Variants in AEN observed in about 807,000 individuals in gnomAD.
AEN encodes apoptosis-enhancing nuclease.
Under a neutral mutation model 17.7 loss-of-function variants are expected in AEN, and 21 were observed. That is an observed-to-expected ratio of 1.19 (90% CI 0.84 to 1.71). AEN has a LOEUF of 1.71. Ranked by LOEUF, AEN falls within the 40% of genes most tolerant of loss-of-function variation. AEN has a pLI of 0.00. For missense variants in AEN, 462 were observed against 435.9 expected, an observed-to-expected ratio of 1.06 and a Z score of -0.53; for synonymous variants, 190 against 173.0, an observed-to-expected ratio of 1.10 and a Z score of -0.77.
chr15:88,609,687 G>A, the AEN span, among the ~76,000 whole-genome samples: 1 of 152,224 alleles, frequency 6.6e-6, no homozygotes, highest in African/African-American at 2.4e-5. Flanking sequence ...TGAGACTACA[G>A]CAGCCTCTTT....
At chr15:88,612,570 C>CA in the AEN span, among the ~76,000 whole-genome samples, 1,007 of 129,778 alleles carry the variant, frequency 7.8e-3, 11 homozygotes, top group African/African-American at 0.027. Context: ...ATTTCCCAGC[C>CA]TTTTATTTAT....
chr15:88,626,451 A>G lies in AEN; in HGVS notation c.242A>G (p.Lys81Arg). The G allele has an allele frequency of 6.2e-7, 1 of 1,613,888 alleles. No individual in the cohort carries two copies. Among genetic ancestry groups the G allele is most frequent in the Non-Finnish European group, 8.5e-7 (1 of 1,179,970 alleles). ...GCAACTGAAGCTGCCAGCAGTGGGA[A>G]GCAGTGTCTGAGGGCTGGATCTGGC... ...ATATEAASSGKQCLRAGSGSA... is the reference protein window; with the variant it reads ...ATATEAASSGRQCLRAGSGSA... Residue 81 changes from lysine (K) to arginine (R), a missense_variant, in exon 2 of 4, where the codon AAG (lysine) becomes AGG (arginine). By Grantham distance (26) the Lys-to-Arg change is conservative. Transcript: ENST00000332810.
rs78738009 is a variant in AEN at position 88,624,186 on chromosome 15, G to A, written c.-64-1960G>A. On this transcript the variant is annotated intron_variant, in intron 1 of 3. Coordinates refer to ENST00000332810, the MANE Select transcript of AEN (RefSeq NM_022767.4). Reference sequence around the variant, plus strand: ...GAGTCCAGGATCCACCTGTGCAGCCGCCCAGCATCTGGCACAGTGGAGACC... The same window carrying A: ...GAGTCCAGGATCCACCTGTGCAGCCACCCAGCATCTGGCACAGTGGAGACC... 4.7e-3 allele frequency among the ~76,000 whole-genome samples: 715 copies of A among 152,278 alleles called. 9 individuals are homozygous for A. Among genetic ancestry groups the A allele is most frequent in the African/African-American group, 0.016 (682 of 41,540 alleles).
chr15:88,629,103 C>G (rs2057891357), intron 2 of AEN, 123 bp from the exon 3 acceptor site: 6 of 951,136 alleles, frequency 6.3e-6, no homozygotes, highest in Non-Finnish European at 9.9e-6. Context: ...GTGATCTCCC[C>G]ACTCGGTGCT....
In AEN at chr15:88,631,526, T is replaced by C; in HGVS notation, c.*1232T>C. 1 of 203,082 alleles carries C rather than the reference T, an allele frequency of 4.9e-6. No homozygotes were observed. The highest frequency in any genetic ancestry group is 8.1e-5 in the South Asian group (1 of 12,290). The allele number at this position is 203,082 out of a possible 1,614,324, so 12.6% of individuals were successfully genotyped here. A position where few individuals can be genotyped will look rare whatever the true frequency, so the allele number is the denominator to read the frequency against. On this transcript the variant is annotated 3_prime_UTR_variant, in exon 4 of 4. Coordinates refer to ENST00000332810, the MANE Select transcript of AEN (RefSeq NM_022767.4). ...GGACTTCACTCTTGAGGCTGTTTTT[T>C]CCTCATCTGTAAAGTGGGGATAGTG...
chr15:88,626,188 C>G lies in AEN; in HGVS notation c.-22C>G. ...AGATTACTCCCCAGGCTTCCCTTGCCCCAAGCAGTGAGCTGACTGGAATGG... is the reference window on the plus strand; with the variant it reads ...AGATTACTCCCCAGGCTTCCCTTGCGCCAAGCAGTGAGCTGACTGGAATGG... On this transcript the variant is annotated 5_prime_UTR_variant, in exon 2 of 4. Transcript: ENST00000332810. 6.5e-7 allele frequency: 1 copy of G among 1,550,014 alleles called. No individual in the cohort carries two copies. Among genetic ancestry groups the G allele is most frequent in the Non-Finnish European group, 8.7e-7 (1 of 1,148,766 alleles).
chr15:88,607,804 G>A, the AEN span, among the ~76,000 whole-genome samples: 2 of 151,826 alleles, frequency 1.3e-5, no homozygotes, highest in African/African-American at 2.4e-5. Flanking sequence ...TCAAAAATTC[G>A]CTCGGTGAAC....
At position 88,630,471 on chromosome 15, in the gene AEN, T is replaced by C. The variant is rs898133781; in HGVS notation, c.*177T>C. ...ACACCCTCTGCACACAGCATAGCCC[T>C]CTCTCTCTCCAGGGCTGTTGGTTCT... On this transcript the variant is annotated 3_prime_UTR_variant, in exon 4 of 4. Coordinates refer to ENST00000332810, the MANE Select transcript of AEN (RefSeq NM_022767.4). The surrounding 1 kb of genome is among the most constrained non-coding windows in gnomAD (Gnocchi z 5.1). The C allele has an allele frequency of 5.5e-5, 33 of 599,220 alleles. No individual in the cohort carries two copies. The Admixed American group carries it at 7.2e-4, about 13-fold the overall frequency. The allele number at this position is 599,220 out of a possible 1,614,324, so 37.1% of individuals were successfully genotyped here. A position where few individuals can be genotyped will look rare whatever the true frequency, so the allele number is the denominator to read the frequency against.
chr15:88,626,533 C>G lies in AEN; in HGVS notation c.324C>G (p.Ser108Arg). The G allele has an allele frequency of 6.2e-7, 1 of 1,614,190 alleles. No individual in the cohort carries two copies. Among genetic ancestry groups the G allele is most frequent in the Non-Finnish European group, 8.5e-7 (1 of 1,180,038 alleles). The change falls in exon 2 of 4, where the codon AGC (serine) becomes AGG (arginine). Residue 108 changes from serine to arginine, a missense_variant. Ser to Arg is a moderately radical substitution (Grantham distance 110). Coordinates refer to ENST00000332810, the MANE Select transcript of AEN (RefSeq NM_022767.4). ...GGAAAGCCTCAGGGCCCTTGCCCAG[C>G]AAGTGTGTGGCTATCGACTGTGAGA... ...APGKASGPLP[S>R]KCVAIDCEMV...
At position 88,631,108 on chromosome 15, in the gene AEN, C is replaced by T. The variant is rs114077513; in HGVS notation, c.*814C>T. The T allele has an allele frequency of 4.4e-6, 2 of 456,672 alleles. No homozygotes were observed. Among genetic ancestry groups the T allele is most frequent in the Non-Finnish European group, 4.4e-6 (1 of 226,932 alleles). The allele number at this position is 456,672 out of a possible 1,614,324, so 28.3% of individuals were successfully genotyped here. A position where few individuals can be genotyped will look rare whatever the true frequency, so the allele number is the denominator to read the frequency against. On this transcript the variant is annotated 3_prime_UTR_variant, in exon 4 of 4. Coordinates refer to ENST00000332810, the MANE Select transcript of AEN (RefSeq NM_022767.4). ...AAATCAGGGATTTCCCCAGTCCACC[C>T]AGTACTGGGCTCTTAAGCAAAAGTC...
the AEN span, among the ~76,000 whole-genome samples, chr15:88,605,765 C>G: frequency 6.6e-6 from 1 of 152,318 alleles, no homozygotes; most frequent in African/African-American, 2.4e-5. This position sits in a 1 kb window ranked among gnomAD's most constrained non-coding sequence, Gnocchi z 7.6. Context: ...AATCAGGCTG[C>G]TAAAGGTCCC....
At chr15:88,623,659 T>C (rs1356078674) in intron 1 of AEN, among the ~76,000 whole-genome samples, 1 of 152,190 alleles carries the variant, frequency 6.6e-6, no homozygotes, top group African/African-American at 2.4e-5. Context: ...ATTTCTTTGC[T>C]CCCCAGCTAG....
chr15:88,630,979 T>C lies in AEN; in HGVS notation c.*685T>C, dbSNP rs926911379. 2 of 374,734 alleles carry C rather than the reference T, an allele frequency of 5.3e-6. No homozygotes were observed. Among genetic ancestry groups the C allele is most frequent in the African/African-American group, 4.2e-5 (2 of 47,608 alleles). 23.2% of individuals were successfully genotyped at this position (374,734 alleles called of 1,614,324 possible). ...GAGCCCACAGGCTTCTCGTGGGGAG[T>C]TGGCTCCTTAACATTTCTTGGCAAC... is the stretch of plus-strand genomic sequence containing the variant. On this transcript the variant is annotated 3_prime_UTR_variant, in exon 4 of 4. Transcript: ENST00000332810. The surrounding 1 kb of genome is among the most constrained non-coding windows in gnomAD (Gnocchi z 5.1).
At chr15:88,605,485 C>T in the AEN span, among the ~76,000 whole-genome samples, 10 of 152,238 alleles carry the variant, frequency 6.6e-5, no homozygotes, top group Admixed American at 6.5e-4. This position sits in a 1 kb window ranked among gnomAD's most constrained non-coding sequence, Gnocchi z 7.6. Flanking sequence ...CTGGCCAGCA[C>T]CCAGAGAGCC....
At chr15:88,609,886 C>A in the AEN span, among the ~76,000 whole-genome samples, 4 of 152,214 alleles carry the variant, frequency 2.6e-5, no homozygotes, top group African/African-American at 9.7e-5. Flanking sequence ...CAACCAGTTT[C>A]ATTTATCACG....
At chr15:88,615,883 G>A in the AEN span, among the ~76,000 whole-genome samples, 5 of 152,142 alleles carry the variant, frequency 3.3e-5, no homozygotes, top group Non-Finnish European at 7.3e-5. Context: ...AGTACACAGG[G>A]CAGGCAGAAT....
the AEN span, among the ~76,000 whole-genome samples, chr15:88,606,201 C>T: frequency 1.3e-5 from 2 of 152,152 alleles, no homozygotes; most frequent in African/African-American, 2.4e-5. Flanking sequence ...CCTGCGCTCC[C>T]CCGTGCTCCC....
At chr15:88,611,905 C>T in the AEN span, 1 of 515,182 alleles carries the variant, frequency 1.9e-6, no homozygotes, top group African/African-American at 2.0e-5. Flanking sequence ...ACAACAAATC[C>T]CAGTCTACCT....
intron 1 of AEN, among the ~76,000 whole-genome samples, chr15:88,622,216 A>G (rs2057796441): frequency 6.6e-6 from 1 of 152,174 alleles, no homozygotes; most frequent in Non-Finnish European, 1.5e-5. Context: ...CCCTGCCTGA[A>G]GGCCGGGTGT....
Sources: allele counts gnomAD v4.1 joint callset (sites outside exome capture counted in the v4.1 genomes callset), GRCh38; gene constraint gnomAD v4.1.1; non-coding constraint Gnocchi (gnomAD v3.1); transcripts MANE v1.5; gene names NCBI Gene and HGNC (gene_info 2026-07-23, HGNC 2026-07-21).